B3GALT1: variants seen among roughly 807,000 people sequenced by gnomAD.
B3GALT1 encodes the protein UDP-Gal:betaGlcNAc beta 1,3-galactosyltransferase, polypeptide 1.
Under a neutral mutation model 23.2 loss-of-function variants are expected in B3GALT1, and 10 were observed. The ratio of observed to expected loss-of-function variants is 0.43; its 90% CI spans 0.27 to 0.73. The LOEUF (loss-of-function observed/expected upper bound fraction) is 0.73. B3GALT1 is among the 30% of genes least tolerant of loss of function. The pLI, the probability that B3GALT1 is intolerant of heterozygous loss-of-function variation, is 0.21. For synonymous variants in B3GALT1, 156 were observed against 141.5 expected, an observed-to-expected ratio of 1.10 and a Z score of -0.73; for missense variants, 299 against 405.4, an observed-to-expected ratio of 0.74 and a Z score of 2.25.
chr2:167,791,434 T>C (rs1414099668), intron 3 of B3GALT1, among the ~76,000 whole-genome samples: 1 of 152,210 alleles, frequency 6.6e-6, no homozygotes, highest in South Asian at 2.1e-4. Context: ...ATTGGTCAAA[T>C]CTCAAATTCA....
chr2:167,386,037 T>C (rs1317319834), intron 1 of B3GALT1, among the ~76,000 whole-genome samples: 1 of 152,242 alleles, frequency 6.6e-6, no homozygotes, highest in Admixed American at 6.5e-5. Context: ...GTATTGCATA[T>C]TGCAGTTGAG....
chr2:167,612,885 T>G (rs1412729974), intron 2 of B3GALT1, among the ~76,000 whole-genome samples: 1 of 152,018 alleles, frequency 6.6e-6, no homozygotes, highest in Non-Finnish European at 1.5e-5. Context: ...AAAGCAAGAT[T>G]GAAATAATTG....
chr2:167,502,990 G>C (rs1161987210), intron 2 of B3GALT1, among the ~76,000 whole-genome samples: 2 of 152,130 alleles, frequency 1.3e-5, no homozygotes, highest in East Asian at 3.9e-4. Context: ...AGTGAGCCGA[G>C]ATCACGGCAT....
chr2:167,307,093 A>G (rs1696563242), intron 1 of B3GALT1, among the ~76,000 whole-genome samples: 1 of 152,002 alleles, frequency 6.6e-6, no homozygotes, highest in Non-Finnish European at 1.5e-5. Context: ...TATTATATTT[A>G]CCCCACAGAT....
intron 1 of B3GALT1, among the ~76,000 whole-genome samples, chr2:167,304,205 C>G (rs1431784367): frequency 6.6e-6 from 1 of 152,184 alleles, no homozygotes; most frequent in Non-Finnish European, 1.5e-5. Context: ...AGCTCTCCTT[C>G]ATGGGAGAAG....
At chr2:167,323,073 A>G (rs577784951) in intron 1 of B3GALT1, among the ~76,000 whole-genome samples, 128 of 148,216 alleles carry the variant, frequency 8.6e-4, no homozygotes, top group African/African-American at 3.1e-3. Flanking sequence ...TAAAAAATAA[A>G]GGCAAAGCAC....
At chr2:167,582,603 C>T (rs1684507687) in intron 2 of B3GALT1, among the ~76,000 whole-genome samples, 1 of 152,044 alleles carries the variant, frequency 6.6e-6, no homozygotes. Flanking sequence ...TCTCATTTTT[C>T]CCTTTTTTAT....
chr2:167,486,608 C>T (rs187200614), intron 1 of B3GALT1, among the ~76,000 whole-genome samples: 1 of 152,094 alleles, frequency 6.6e-6, no homozygotes, highest in African/African-American at 2.4e-5. Flanking sequence ...GTCCCAGCTA[C>T]TCAGGAGGCT....
intron 1 of B3GALT1, among the ~76,000 whole-genome samples, chr2:167,403,495 C>A (rs1698227142): frequency 6.6e-6 from 1 of 151,278 alleles, no homozygotes; most frequent in East Asian, 1.9e-4. Flanking sequence ...GTGCAGAGCA[C>A]CATGTTTAAA....
intron 3 of B3GALT1, among the ~76,000 whole-genome samples, chr2:167,812,771 C>T (rs1340837167): frequency 6.6e-6 from 1 of 152,028 alleles, no homozygotes; most frequent in Non-Finnish European, 1.5e-5. Flanking sequence ...AAAAATAGGC[C>T]AGATTATTTT....
At chr2:167,625,985 A>ATATATATATG (rs1324767675) in intron 2 of B3GALT1, among the ~76,000 whole-genome samples, 2 of 120,172 alleles carry the variant, frequency 1.7e-5, no homozygotes, top group East Asian at 4.9e-4. Flanking sequence ...ATATATATAT[A>ATATATATATG]TGACCTAAGC....
At chr2:167,411,723 A>G (rs1384636648) in intron 1 of B3GALT1, among the ~76,000 whole-genome samples, 1 of 152,230 alleles carries the variant, frequency 6.6e-6, no homozygotes, top group East Asian at 1.9e-4. Flanking sequence ...CATATATCTA[A>G]AAGAAAGGAA....
intron 1 of B3GALT1, among the ~76,000 whole-genome samples, chr2:167,446,735 A>G (rs1226528452): frequency 1.3e-5 from 2 of 152,148 alleles, no homozygotes; most frequent in African/African-American, 2.4e-5. Context: ...GGACTTCTCT[A>G]CACTGGTTAT....
rs552969343 is a variant in B3GALT1, at chr2:167,485,380, T to C, written c.-510-4797T>C. Among the ~76,000 whole-genome samples the C allele has an allele frequency of 3.3e-4, 50 of 152,200 alleles. 1 individual carries two copies. In the South Asian group the frequency reaches 0.01, roughly 31 times the overall value. On this transcript the variant is annotated intron_variant, in intron 1 of 4. Transcript: ENST00000392690. ...TGATGAGGTCTTCTGTAACTAACAA[T>C]CAGGATAGTATCTTAATTAGATTAG... is the stretch of plus-strand genomic sequence containing the variant.
intron 2 of B3GALT1, among the ~76,000 whole-genome samples, chr2:167,634,875 A>G (rs928551458): frequency 3.3e-5 from 5 of 152,164 alleles, no homozygotes; most frequent in Non-Finnish European, 5.9e-5. Flanking sequence ...CTGATACCAA[A>G]ACCTGGCAGA....
chr2:167,812,907 A>T (rs180694756), intron 3 of B3GALT1, among the ~76,000 whole-genome samples: 1 of 151,936 alleles, frequency 6.6e-6, no homozygotes, highest in Non-Finnish European at 1.5e-5. Flanking sequence ...AATACTCTGA[A>T]TACCTCATTC....
At chr2:167,640,061 A>G (rs1685624294) in intron 2 of B3GALT1, among the ~76,000 whole-genome samples, 1 of 152,138 alleles carries the variant, frequency 6.6e-6, no homozygotes, top group East Asian at 1.9e-4. Context: ...AGTTTTGTAT[A>G]ATATGATGTT....
intron 3 of B3GALT1, among the ~76,000 whole-genome samples, chr2:167,682,358 T>C (rs1219435294): frequency 6.6e-6 from 1 of 152,222 alleles, no homozygotes; most frequent in Non-Finnish European, 1.5e-5. Flanking sequence ...TTATTTGATA[T>C]CTTTGCATCT....
chr2:167,693,607 C>G (rs1335142276), intron 3 of B3GALT1, among the ~76,000 whole-genome samples: 1 of 152,092 alleles, frequency 6.6e-6, no homozygotes, highest in African/African-American at 2.4e-5. Flanking sequence ...GAAAATGCCC[C>G]TTTTACAAAC....
Sources: gnomAD v4.1 joint callset for allele counts (sites outside exome capture counted in the v4.1 genomes callset) on GRCh38, gnomAD v4.1.1 for gene constraint, MANE v1.5 for transcripts, NCBI Gene and HGNC (gene_info 2026-07-23, HGNC 2026-07-21) for gene names.